ANOS1: variants seen among roughly 807,000 people sequenced by gnomAD.
ANOS1 encodes anosmin 1.
A neutral mutation model predicts 59.0 loss-of-function variants in ANOS1; 6 were observed. The observed-to-expected ratio is 0.10, with a 90% CI of 0.06 to 0.20. ANOS1 has a LOEUF of 0.20. ANOS1 is among the 10% of genes least tolerant of loss of function. The probability of loss-of-function intolerance (pLI) is 1.00; values close to 1 mark genes in which losing one functional copy is unlikely to be tolerated. For missense variants in ANOS1, 433 were observed against 542.3 expected (o/e 0.80, Z 2.00); for synonymous variants, 217 against 223.4 (o/e 0.97, Z 0.25).
intron 2 of ANOS1, among the ~76,000 whole-genome samples, chrX:8,664,890 T>C (rs1337901553): frequency 8.9e-6 from 1 of 111,924 alleles, no homozygotes; most frequent in Non-Finnish European, 1.9e-5. Context: ...TCAGTGATTA[T>C]GGCTTTTGGG....
chrX:8,575,680 T>C (rs183399044), intron 6 of ANOS1, among the ~76,000 whole-genome samples: 40 of 111,948 alleles, frequency 3.6e-4, no homozygotes, highest in African/African-American at 1.3e-3. Flanking sequence ...AAGATATGAA[T>C]TAATAATATT....
chrX:8,700,343 G>A (rs977032868), intron 1 of ANOS1, among the ~76,000 whole-genome samples: 1 of 110,866 alleles, frequency 9.0e-6, no homozygotes, highest in African/African-American at 3.3e-5. Context: ...ATCTTACCAT[G>A]GCAGAGCAGG....
chrX:8,554,821 G>A (rs1312288777), intron 8 of ANOS1, among the ~76,000 whole-genome samples: 1 of 109,783 alleles, frequency 9.1e-6, no homozygotes, highest in African/African-American at 3.3e-5. Flanking sequence ...ACAGATCAAT[G>A]AGACAGAAAA....
rs1929487807 is a variant in ANOS1, at chrX:8,530,865, A to C, written c.*2130T>G. On this transcript the variant is annotated 3_prime_UTR_variant, in exon 14 of 14. Coordinates refer to ENST00000262648, the MANE Select transcript of ANOS1 (RefSeq NM_000216.4). ...AAGATAAATGGATAGCTAATAATGA[A>C]AAATTTTAATTTTTGAAATTTTAAG... 1 of 111,272 alleles carries C rather than the reference A, an allele frequency of 9.0e-6. No individual in the cohort carries two copies. Among genetic ancestry groups the C allele is most frequent in the Non-Finnish European group, 1.9e-5 (1 of 53,040 alleles). 9.2% of individuals were successfully genotyped at this position (111,272 alleles called of 1,213,427 possible).
chrX:8,678,740 T>TA (rs1464019747), intron 2 of ANOS1, among the ~76,000 whole-genome samples: 2 of 112,008 alleles, frequency 1.8e-5, no homozygotes, highest in African/African-American at 6.5e-5. Context: ...TCACATTCTC[T>TA]AAACTTCAAT....
At chrX:8,649,971 C>T (rs1265810900) in intron 2 of ANOS1, among the ~76,000 whole-genome samples, 1 of 112,913 alleles carries the variant, frequency 8.9e-6, no homozygotes, top group Non-Finnish European at 1.9e-5. Flanking sequence ...TTTTGTTAAA[C>T]TACATAAGCT....
intron 2 of ANOS1, among the ~76,000 whole-genome samples, chrX:8,626,833 C>A (rs1931403778): frequency 1.9e-5 from 2 of 104,976 alleles, no homozygotes; most frequent in African/African-American, 3.5e-5. Context: ...TGCACTCCAG[C>A]CTGGGCGACA....
chrX:8,590,200 C>T (rs1234006345), intron 4 of ANOS1, among the ~76,000 whole-genome samples: 1 of 111,986 alleles, frequency 8.9e-6, no homozygotes, highest in Non-Finnish European at 1.9e-5. Flanking sequence ...TCAAGGCATC[C>T]TTCTTCATAA....
chrX:8,654,292 C>T lies in ANOS1; in HGVS notation c.256-30622G>A, dbSNP rs951794203. ...AAAAAGCAACCAATAAAATTAAGTA[C>T]GAATGTTCCCCAGCAAAGACAATCT... On this transcript the variant is annotated intron_variant, in intron 2 of 13. Coordinates refer to ENST00000262648, the MANE Select transcript of ANOS1 (RefSeq NM_000216.4). Among the ~76,000 whole-genome samples the T allele has an allele frequency of 5.2e-4, 58 of 111,748 alleles. 1 individual carries two copies. The highest frequency in any genetic ancestry group is 1.9e-3 in the African/African-American group (57 of 30,748).
At chrX:8,629,174 G>A (rs769667557) in intron 2 of ANOS1, among the ~76,000 whole-genome samples, 11 of 111,240 alleles carry the variant, frequency 9.9e-5, no homozygotes, top group East Asian at 5.7e-4. Flanking sequence ...ACTTAAGCCC[G>A]GAAGTTTGAG....
chrX:8,562,775 T>C (rs1930053700), intron 8 of ANOS1, among the ~76,000 whole-genome samples: 1 of 112,253 alleles, frequency 8.9e-6, no homozygotes, highest in Non-Finnish European at 1.9e-5. Flanking sequence ...TATATCATAC[T>C]TCCTTCAAGG....
intron 2 of ANOS1, among the ~76,000 whole-genome samples, chrX:8,625,276 T>C (rs979306621): frequency 1.2e-4 from 13 of 112,071 alleles, no homozygotes; most frequent in Admixed American, 9.5e-5. Flanking sequence ...GTTGTAATTT[T>C]AAACATTAAT....
At chrX:8,641,952 T>A (rs192541177) in intron 2 of ANOS1, among the ~76,000 whole-genome samples, 1 of 111,576 alleles carries the variant, frequency 9.0e-6, no homozygotes, top group Admixed American at 9.6e-5. Flanking sequence ...AATATTGTAA[T>A]GTAATTCTAG....
At chrX:8,557,407 T>C (rs1310596661) in intron 8 of ANOS1, among the ~76,000 whole-genome samples, 1 of 110,558 alleles carries the variant, frequency 9.0e-6, no homozygotes, top group Non-Finnish European at 1.9e-5. Context: ...TGGGAGAAAA[T>C]TTTTGCAATC....
chrX:8,604,507 A>T (rs2146832245), intron 3 of ANOS1, among the ~76,000 whole-genome samples: 1 of 112,317 alleles, frequency 8.9e-6, no homozygotes, highest in Admixed American at 9.5e-5. Flanking sequence ...TAGTGGGGTG[A>T]TTTCAAATTT....
chrX:8,576,908 CT>C (rs1376573454), intron 6 of ANOS1, among the ~76,000 whole-genome samples: 1 of 111,792 alleles, frequency 8.9e-6, no homozygotes, highest in Non-Finnish European at 1.9e-5. Flanking sequence ...ATTGATAGGC[CT>C]TTTCTGGAAA....
chrX:8,649,951 C>G (rs905214691), intron 2 of ANOS1, among the ~76,000 whole-genome samples: 6 of 112,734 alleles, frequency 5.3e-5, no homozygotes, highest in Non-Finnish European at 1.1e-4. Flanking sequence ...GCAAAATTAA[C>G]CTATTTTCTT....
At chrX:8,543,463 A>T (rs1929718722) in intron 9 of ANOS1, among the ~76,000 whole-genome samples, 1 of 111,188 alleles carries the variant, frequency 9.0e-6, no homozygotes, top group Non-Finnish European at 1.9e-5. Context: ...GAAGTCATTT[A>T]TACAAACATC....
chrX:8,731,165 C>A (rs924822741), intron 1 of ANOS1, among the ~76,000 whole-genome samples: 3 of 112,376 alleles, frequency 2.7e-5, no homozygotes, highest in African/African-American at 9.7e-5. Context: ...CCCTGACGCT[C>A]TACGCTAGTC....
Sources: allele counts gnomAD v4.1 joint callset (sites outside exome capture counted in the v4.1 genomes callset), GRCh38; gene constraint gnomAD v4.1.1; transcripts MANE v1.5; gene names NCBI Gene and HGNC (gene_info 2026-07-23, HGNC 2026-07-21).